The following FHIT variants were observed in gnomAD, a reference collection of about 807,000 sequenced individuals.
FHIT encodes the protein bis(5'-adenosyl)-triphosphatase.
In FHIT, 19 loss-of-function variants were observed where a neutral mutation model predicts 17.9. The observed-to-expected ratio is 1.06, with a 90% CI of 0.74 to 1.56. The LOEUF (loss-of-function observed/expected upper bound fraction) is 1.56. Among genes scored for constraint, FHIT ranks in the 40% most tolerant of loss-of-function variants. The probability of loss-of-function intolerance (pLI) is 0.00; values close to 1 mark genes in which losing one functional copy is unlikely to be tolerated. For synonymous variants in FHIT, 81 were observed against 69.7 expected (o/e 1.16, Z -0.81); for missense variants, 248 against 189.2 (o/e 1.31, Z -1.82).
At chr3:59,939,371 T>G (rs1164386798) in intron 7 of FHIT, among the ~76,000 whole-genome samples, 2 of 152,138 alleles carry the variant, frequency 1.3e-5, no homozygotes, top group Non-Finnish European at 2.9e-5. Flanking sequence ...CAGAGGGAAC[T>G]GCAGCAGAGT....
At chr3:60,701,334 G>T (rs1398604929) in intron 4 of FHIT, among the ~76,000 whole-genome samples, 1 of 152,056 alleles carries the variant, frequency 6.6e-6, no homozygotes, top group African/African-American at 2.4e-5. Flanking sequence ...AATTTCTCAA[G>T]ACGAGGGAAC....
At chr3:60,709,181 T>C (rs546400425) in intron 4 of FHIT, among the ~76,000 whole-genome samples, 12 of 152,310 alleles carry the variant, frequency 7.9e-5, no homozygotes, top group African/African-American at 2.9e-4. Flanking sequence ...ACACTATGAA[T>C]TTATTTTAAA....
At chr3:60,458,437 G>T (rs1457594820) in intron 5 of FHIT, among the ~76,000 whole-genome samples, 2 of 143,338 alleles carry the variant, frequency 1.4e-5, no homozygotes, top group Non-Finnish European at 3.0e-5. Flanking sequence ...GGGGCTTGTT[G>T]TGGGGTGGGG....
At chr3:60,736,895 A>T (rs1447170982) in intron 4 of FHIT, among the ~76,000 whole-genome samples, 1 of 152,232 alleles carries the variant, frequency 6.6e-6, no homozygotes, top group African/African-American at 2.4e-5. Flanking sequence ...AACAATATTA[A>T]AGTGACGTTC....
At chr3:60,651,855 G>C (rs1005837730) in intron 4 of FHIT, among the ~76,000 whole-genome samples, 2 of 152,148 alleles carry the variant, frequency 1.3e-5, no homozygotes, top group Non-Finnish European at 2.9e-5. Context: ...AAAATAGAGT[G>C]TTCTGGTTCA....
chr3:60,977,169 G>A (rs563230461), intron 3 of FHIT, among the ~76,000 whole-genome samples: 21 of 152,176 alleles, frequency 1.4e-4, no homozygotes, highest in Non-Finnish European at 2.6e-4. Flanking sequence ...AATCACACAC[G>A]GGGTAAAAAA....
rs1218038916 is a variant in FHIT, at chr3:60,029,047, T to C, written c.104-14895A>G. ...TCAAGAGACTCTCAATAAGTGATTT[T>C]CAAAGAAATAAAGCACTTCAATTCT... On this transcript the variant is annotated intron_variant, in intron 5 of 9. Coordinates refer to ENST00000492590, the MANE Select transcript of FHIT (RefSeq NM_002012.4). 1.6e-4 allele frequency among the ~76,000 whole-genome samples: 24 copies of C among 152,202 alleles called. 1 individual carries two copies. The highest frequency in any genetic ancestry group is 1.6e-3 in the Admixed American group (24 of 15,272).
intron 2 of FHIT, among the ~76,000 whole-genome samples, chr3:61,135,530 C>A (rs1479533170): frequency 3.9e-5 from 6 of 151,946 alleles, no homozygotes; most frequent in Admixed American, 3.9e-4. Flanking sequence ...AGGTAACAAC[C>A]TATTTCATTT....
intron 8 of FHIT, among the ~76,000 whole-genome samples, chr3:59,802,099 G>C (rs1700017696): frequency 1.3e-5 from 2 of 152,122 alleles, no homozygotes; most frequent in Non-Finnish European, 2.9e-5. Flanking sequence ...CAGGTGCCAG[G>C]CCAGCTCAGG....
intron 5 of FHIT, among the ~76,000 whole-genome samples, chr3:60,173,909 A>ATTT (rs1265683403): frequency 8.6e-5 from 6 of 69,760 alleles, no homozygotes; most frequent in Admixed American, 1.9e-4. Context: ...ATATATATAT[A>ATTT]TATATATGTT....
At chr3:59,799,619 A>T (rs1199307916) in intron 8 of FHIT, among the ~76,000 whole-genome samples, 3 of 152,192 alleles carry the variant, frequency 2.0e-5, no homozygotes, top group Non-Finnish European at 4.4e-5. Context: ...ACATCCTGAA[A>T]TCATCCCATA....
intron 4 of FHIT, among the ~76,000 whole-genome samples, chr3:60,537,878 T>A (rs941877332): frequency 2.0e-5 from 3 of 152,186 alleles, no homozygotes; most frequent in Non-Finnish European, 4.4e-5. Context: ...AACAGCCTAG[T>A]ATGAAACTGA....
chr3:59,872,789 C>T (rs1702980921), intron 8 of FHIT, among the ~76,000 whole-genome samples: 1 of 152,158 alleles, frequency 6.6e-6, no homozygotes. Flanking sequence ...GAAGTGAATT[C>T]TGGGCAAGGG....
At chr3:60,143,228 C>T (rs1700112500) in intron 5 of FHIT, among the ~76,000 whole-genome samples, 1 of 152,146 alleles carries the variant, frequency 6.6e-6, no homozygotes, top group Admixed American at 6.5e-5. Flanking sequence ...AATTTCTTAG[C>T]CCTCCTTGTA....
At chr3:60,772,601 A>G (rs1480152118) in intron 4 of FHIT, among the ~76,000 whole-genome samples, 1 of 152,088 alleles carries the variant, frequency 6.6e-6, no homozygotes, top group Non-Finnish European at 1.5e-5. Context: ...TTTAAATGAT[A>G]ATAACCCTTC....
chr3:60,447,248 A>G (rs978100700), intron 5 of FHIT, among the ~76,000 whole-genome samples: 1 of 152,110 alleles, frequency 6.6e-6, no homozygotes, highest in East Asian at 1.9e-4. Context: ...TTTCAAAGAA[A>G]CATCAGTTTG....
intron 4 of FHIT, among the ~76,000 whole-genome samples, chr3:60,769,083 T>C (rs1239797240): frequency 6.6e-6 from 1 of 152,206 alleles, no homozygotes; most frequent in Non-Finnish European, 1.5e-5. Flanking sequence ...TCATTTTATA[T>C]GTACATATAT....
chr3:59,815,319 G>A (rs1302330010), intron 8 of FHIT, among the ~76,000 whole-genome samples: 5 of 152,128 alleles, frequency 3.3e-5, no homozygotes, highest in Admixed American at 2.0e-4. Flanking sequence ...AAAACAGTGT[G>A]GAGATTCCTT....
chr3:59,972,032 G>A (rs1190316820), intron 7 of FHIT, among the ~76,000 whole-genome samples: 1 of 152,112 alleles, frequency 6.6e-6, no homozygotes, highest in East Asian at 1.9e-4. Flanking sequence ...AGCCTTGAAT[G>A]GATAGGAATG....
Sources: allele counts gnomAD v4.1 joint callset (sites outside exome capture counted in the v4.1 genomes callset), GRCh38; gene constraint gnomAD v4.1.1; transcripts MANE v1.5; gene names NCBI Gene and HGNC (gene_info 2026-07-23, HGNC 2026-07-21).